MARCHF4: variants seen among roughly 807,000 people sequenced by gnomAD.
The protein encoded by MARCHF4 is membrane associated ring-CH-type finger 4.
A neutral mutation model predicts 43.9 loss-of-function variants in MARCHF4; 14 were observed. That is an observed-to-expected ratio of 0.32 (90% confidence interval 0.21 to 0.50). The LOEUF is 0.50. Ranked by LOEUF, MARCHF4 falls within the 20% of genes least tolerant of loss-of-function variation. MARCHF4 has a pLI of 0.98. For synonymous variants in MARCHF4, 226 were observed against 213.3 expected (o/e 1.06, Z -0.52); for missense variants, 468 against 536.7 (o/e 0.87, Z 1.27).
chr2:216,344,266 A>AACAG (rs1419687154), intron 1 of MARCHF4, among the ~76,000 whole-genome samples: 2 of 150,404 alleles, frequency 1.3e-5, no homozygotes, highest in African/African-American at 5.0e-5. Context: ...CAAACAAACA[A>AACAG]AAAAACATGT....
chr2:216,315,943 T>C (rs1691768694), intron 1 of MARCHF4, among the ~76,000 whole-genome samples: 1 of 152,198 alleles, frequency 6.6e-6, no homozygotes, highest in South Asian at 2.1e-4. Flanking sequence ...GTCTGTCTGA[T>C]CTGCATCACT....
At chr2:216,289,221 G>C (rs992957843) in intron 1 of MARCHF4, among the ~76,000 whole-genome samples, 1 of 142,962 alleles carries the variant, frequency 7.0e-6, no homozygotes, top group Non-Finnish European at 1.5e-5. Flanking sequence ...TTTGCCCTTT[G>C]TTTTCTTCCC....
chr2:216,287,275 A>G (rs1691231207), intron 1 of MARCHF4, among the ~76,000 whole-genome samples: 2 of 152,178 alleles, frequency 1.3e-5, no homozygotes. Flanking sequence ...AGGCGTGCTT[A>G]CTAATTGAAC....
chr2:216,345,279 C>G (rs1205420852), intron 1 of MARCHF4, among the ~76,000 whole-genome samples: 1 of 151,862 alleles, frequency 6.6e-6, no homozygotes, highest in Non-Finnish European at 1.5e-5. Context: ...ACACATCGAG[C>G]AAGGGTTCAG....
chr2:216,355,361 A>AC (rs1056811243), intron 1 of MARCHF4, among the ~76,000 whole-genome samples: 1 of 151,884 alleles, frequency 6.6e-6, no homozygotes, highest in African/African-American at 2.4e-5. Flanking sequence ...ATCAGAATAA[A>AC]CCCCCCATGT....
At chr2:216,308,571 C>T (rs1336930518) in intron 1 of MARCHF4, among the ~76,000 whole-genome samples, 1 of 152,162 alleles carries the variant, frequency 6.6e-6, no homozygotes, top group African/African-American at 2.4e-5. Flanking sequence ...CCTGGTACTG[C>T]CTAAGGTGTG....
chr2:216,322,664 A>G (rs1390510761), intron 1 of MARCHF4, among the ~76,000 whole-genome samples: 1 of 152,222 alleles, frequency 6.6e-6, no homozygotes, highest in African/African-American at 2.4e-5. Context: ...TCTACTAAAA[A>G]TACAAAAATT....
chr2:216,302,591 G>A (rs917277419), intron 1 of MARCHF4, among the ~76,000 whole-genome samples: 1 of 152,050 alleles, frequency 6.6e-6, no homozygotes, highest in Admixed American at 6.6e-5. Context: ...ATACATTGAA[G>A]AGGACCATTG....
chr2:216,305,132 G>A (rs1183205695), intron 1 of MARCHF4, among the ~76,000 whole-genome samples: 1 of 152,060 alleles, frequency 6.6e-6, no homozygotes, highest in Non-Finnish European at 1.5e-5. Context: ...GCTTGCTGGA[G>A]AAATGAATAA....
At chr2:216,286,884 GCT>G (rs951441777) in intron 1 of MARCHF4, among the ~76,000 whole-genome samples, 2 of 152,202 alleles carry the variant, frequency 1.3e-5, no homozygotes, top group Non-Finnish European at 2.9e-5. Flanking sequence ...TTTGCAGTAA[GCT>G]CTGTTAAAAG....
At chr2:216,341,834 G>C (rs1450834519) in intron 1 of MARCHF4, among the ~76,000 whole-genome samples, 1 of 152,180 alleles carries the variant, frequency 6.6e-6, no homozygotes, top group Non-Finnish European at 1.5e-5. Flanking sequence ...GGGTCCCAGG[G>C]AGGGACTGGA....
intron 1 of MARCHF4, among the ~76,000 whole-genome samples, chr2:216,319,935 A>C (rs1351759078): frequency 6.6e-6 from 1 of 152,108 alleles, no homozygotes; most frequent in Non-Finnish European, 1.5e-5. Context: ...CACATTCCTC[A>C]CCAGAGCCTT....
At chr2:216,322,067 T>C (rs1303738367) in intron 1 of MARCHF4, among the ~76,000 whole-genome samples, 4 of 152,154 alleles carry the variant, frequency 2.6e-5, no homozygotes, top group Non-Finnish European at 5.9e-5. Flanking sequence ...ACCGCAAGCA[T>C]TGTGCACAAT....
chr2:216,263,512 AGAGAG>A (rs1559280536), intron 3 of MARCHF4, among the ~76,000 whole-genome samples: 12 of 144,964 alleles, frequency 8.3e-5, no homozygotes, highest in African/African-American at 2.3e-4. Flanking sequence ...AGAGAGAGAG[AGAGAG>A]AGAGAGAGAG....
At chr2:216,354,936 T>TTTCTTTCTTTC in intron 1 of MARCHF4, among the ~76,000 whole-genome samples, 2 of 138,072 alleles carry the variant, frequency 1.4e-5, no homozygotes, top group African/African-American at 5.6e-5. Context: ...TCTTTCTTTC[T>TTTCTTTCTTTC]TTCTTTCTTT....
At chr2:216,330,508 A>C (rs557464392) in intron 1 of MARCHF4, among the ~76,000 whole-genome samples, 3 of 152,232 alleles carry the variant, frequency 2.0e-5, no homozygotes, top group Non-Finnish European at 2.9e-5. Context: ...CAAAATTGAC[A>C]CAAACTTGAC....
chr2:216,335,893 C>T (rs1002559299), intron 1 of MARCHF4, among the ~76,000 whole-genome samples: 18 of 151,742 alleles, frequency 1.2e-4, no homozygotes, highest in Non-Finnish European at 4.4e-5. Flanking sequence ...CATGTTGAAA[C>T]CCCATCTCTA....
intron 1 of MARCHF4, among the ~76,000 whole-genome samples, chr2:216,351,731 C>G (rs1692407350): frequency 6.6e-6 from 1 of 152,138 alleles, no homozygotes; most frequent in African/African-American, 2.4e-5. Flanking sequence ...AACACAAACA[C>G]CTCACTTAAC....
rs377027521 is a variant in MARCHF4 at position 216,370,213 on chromosome 2, G to A, written c.48C>T (p.Cys16=). ...ACAATCCATAGCAGTACCAGCCGGA[G>A]CAGCAGCACCACCACCACCAGAGCA... The part of the protein sequence containing the change: ...CGLLWWWWCC[C]SGWYCYGLCA... Residue 16 remains cysteine (C), a synonymous_variant, in exon 1 of 4, where the codon TGC becomes TGT. Coordinates refer to ENST00000273067, the MANE Select transcript of MARCHF4 (RefSeq NM_020814.3). The A allele has an allele frequency of 2.5e-6, 4 of 1,611,158 alleles. No individual in the cohort carries two copies. In the African/African-American group the frequency reaches 5.3e-5, roughly 22 times the overall value.
Sources: allele counts gnomAD v4.1 joint callset (sites outside exome capture counted in the v4.1 genomes callset), GRCh38; gene constraint gnomAD v4.1.1; transcripts MANE v1.5; gene names NCBI Gene and HGNC (gene_info 2026-07-23, HGNC 2026-07-21).